Variants in GRM5 observed in about 807,000 individuals in gnomAD.
GRM5 encodes metabotropic glutamate receptor 5.
Under a neutral mutation model 83.1 loss-of-function variants are expected in GRM5, and 19 were observed. That is an observed-to-expected ratio of 0.23 (90% CI 0.16 to 0.34). The LOEUF (loss-of-function observed/expected upper bound fraction) is 0.34, where lower values mean the gene tolerates loss of function less well. GRM5 is among the 10% of genes least tolerant of loss of function. The pLI is 1.00. For missense variants in GRM5, 1,160 were observed against 1,588.3 expected, an observed-to-expected ratio of 0.73 and a Z score of 4.58; for synonymous variants, 675 against 633.6, an observed-to-expected ratio of 1.07 and a Z score of -0.98.
intron 2 of GRM5, among the ~76,000 whole-genome samples, chr11:89,009,918 A>AAAAAAAAAAAAAAAAAAAAAC (rs1940646121): frequency 7.3e-6 from 1 of 136,170 alleles, no homozygotes; most frequent in African/African-American, 3.2e-5. Flanking sequence ...AAAAAAAAAA[A>AAAAAAAAAAAAAAAAAAAAAC]AAAAAAAAAA....
chr11:88,916,031 T>A (rs1945584914), intron 2 of GRM5, among the ~76,000 whole-genome samples: 1 of 152,200 alleles, frequency 6.6e-6, no homozygotes, highest in Admixed American at 6.5e-5. Context: ...AATAATAAGA[T>A]AAATTTGAGA....
At chr11:88,850,357 A>C (rs569287576) in intron 2 of GRM5, among the ~76,000 whole-genome samples, 1 of 152,184 alleles carries the variant, frequency 6.6e-6, no homozygotes, top group South Asian at 2.1e-4. Flanking sequence ...ATATGCATTG[A>C]TCATTTATAT....
chr11:88,912,097 C>T (rs1326969423), intron 2 of GRM5: 1 of 443,156 alleles, frequency 2.3e-6, no homozygotes, highest in African/African-American at 2.1e-5. Flanking sequence ...TGTATAACTT[C>T]CTAAAATGAC....
chr11:88,597,913 T>C (rs1335798845), intron 5 of GRM5, among the ~76,000 whole-genome samples: 1 of 152,134 alleles, frequency 6.6e-6, no homozygotes, highest in Non-Finnish European at 1.5e-5. Context: ...CCTCATGCAA[T>C]GTAAACATCC....
intron 2 of GRM5, among the ~76,000 whole-genome samples, chr11:88,873,759 G>A (rs1944806377): frequency 1.3e-5 from 2 of 151,716 alleles, no homozygotes; most frequent in East Asian, 3.9e-4. Flanking sequence ...TATCAGAAAT[G>A]TAGAAAGATT....
intron 4 of GRM5, among the ~76,000 whole-genome samples, chr11:88,628,907 G>C (rs1189739596): frequency 1.3e-5 from 2 of 152,090 alleles, no homozygotes; most frequent in Non-Finnish European, 2.9e-5. Context: ...CTAGTCACAT[G>C]AATGTAGGAG....
intron 2 of GRM5, among the ~76,000 whole-genome samples, chr11:88,890,161 C>T (rs1383558461): frequency 6.6e-6 from 1 of 151,788 alleles, no homozygotes; most frequent in East Asian, 1.9e-4. Flanking sequence ...GATGATACTC[C>T]CATGGGGGAT....
At position 88,748,657 on chromosome 11, in the gene GRM5, G is replaced by A. The variant is rs546749866; in HGVS notation, c.912-95254C>T. 1.1e-3 allele frequency among the ~76,000 whole-genome samples: 164 copies of A among 152,234 alleles called. 1 individual carries two copies. The highest frequency in any genetic ancestry group is 2.0e-3 in the Non-Finnish European group (138 of 68,004). ...TCCTGACTGAATGAGACCTTCCAAT[G>A]GAGGTCTCCAGCCACCTCCTACAGG... On this transcript the variant is annotated intron_variant, in intron 3 of 9. Transcript: ENST00000305447.
chr11:88,914,019 C>T (rs1945548492), intron 2 of GRM5, among the ~76,000 whole-genome samples: 2 of 152,164 alleles, frequency 1.3e-5, no homozygotes, highest in Non-Finnish European at 2.9e-5. Context: ...TTCGTAGAAC[C>T]ATCTTCATTT....
intron 3 of GRM5, among the ~76,000 whole-genome samples, chr11:88,746,580 A>C (rs1240602555): frequency 6.6e-6 from 1 of 152,220 alleles, no homozygotes; most frequent in African/African-American, 2.4e-5. Context: ...CAAAAAAAAA[A>C]AAATAAGCTT....
intron 2 of GRM5, among the ~76,000 whole-genome samples, chr11:89,000,805 G>A (rs774597375): frequency 1.3e-5 from 2 of 151,704 alleles, no homozygotes; most frequent in Non-Finnish European, 2.9e-5. Flanking sequence ...TGCAAACCAC[G>A]TATTGAACAA....
At chr11:88,881,132 T>C (rs909348470) in intron 2 of GRM5, among the ~76,000 whole-genome samples, 1 of 151,866 alleles carries the variant, frequency 6.6e-6, no homozygotes, top group Non-Finnish European at 1.5e-5. Flanking sequence ...TATTTTTCAG[T>C]GTAAGCTTCA....
Position 88,696,342 on chromosome 11 carries a change from C to T in GRM5, c.912-42939G>A, listed in dbSNP as rs968954647. ...GTGTTTTATGGGCACAGAATGGGGG[C>T]ATGGCAGGCCAGAGTGGTCTTGAAA... On this transcript the variant is annotated intron_variant, in intron 3 of 9. Transcript: ENST00000305447. Among the ~76,000 whole-genome samples, 4 of 152,156 alleles carry T rather than the reference C, an allele frequency of 2.6e-5. No homozygotes were observed. In the East Asian group the frequency reaches 7.8e-4, roughly 30 times the overall value.
chr11:88,878,742 T>A (rs1944899877), intron 2 of GRM5, among the ~76,000 whole-genome samples: 1 of 152,196 alleles, frequency 6.6e-6, no homozygotes, highest in Non-Finnish European at 1.5e-5. Context: ...TACAATGGAA[T>A]ACTCATCATC....
At chr11:88,883,120 A>C (rs1446972327) in intron 2 of GRM5, among the ~76,000 whole-genome samples, 1 of 152,198 alleles carries the variant, frequency 6.6e-6, no homozygotes, top group Non-Finnish European at 1.5e-5. Context: ...GAACAGACTA[A>C]TACAGTAAAC....
chr11:89,015,889 G>A (rs1332732217), intron 2 of GRM5, among the ~76,000 whole-genome samples: 1 of 152,126 alleles, frequency 6.6e-6, no homozygotes, highest in Non-Finnish European at 1.5e-5. Context: ...TAGGGGGCAT[G>A]TCATTTAACC....
chr11:88,571,075 A>G (rs146062559), intron 7 of GRM5, among the ~76,000 whole-genome samples: 1 of 152,080 alleles, frequency 6.6e-6, no homozygotes, highest in Admixed American at 6.5e-5. Context: ...GTAATTAAAC[A>G]CTTAATTTTA....
intron 3 of GRM5, among the ~76,000 whole-genome samples, chr11:88,658,585 T>C (rs1210456377): frequency 6.6e-6 from 1 of 152,144 alleles, no homozygotes; most frequent in Non-Finnish European, 1.5e-5. Context: ...TATAAATAAG[T>C]AACCACATAC....
chr11:88,991,811 T>C (rs1939985034), intron 2 of GRM5, among the ~76,000 whole-genome samples: 2 of 152,016 alleles, frequency 1.3e-5, no homozygotes, highest in African/African-American at 2.4e-5. Context: ...GCTAGCCATA[T>C]GTAGAAAGCT....
Sources: allele counts gnomAD v4.1 joint callset (sites outside exome capture counted in the v4.1 genomes callset), GRCh38; gene constraint gnomAD v4.1.1; transcripts MANE v1.5; gene names NCBI Gene and HGNC (gene_info 2026-07-23, HGNC 2026-07-21).